Variants in ZFP1 observed in about 807,000 individuals in gnomAD.
The protein encoded by ZFP1 is ZFP1 zinc finger protein.
In ZFP1, 32 loss-of-function variants were observed where a neutral mutation model predicts 38.5. That is an observed-to-expected ratio of 0.83 (90% CI 0.63 to 1.12). ZFP1 has a LOEUF of 1.12. ZFP1 is among the 50% of genes most tolerant of loss of function. The pLI is 0.00. For missense variants in ZFP1, 616 were observed against 480.8 expected (o/e 1.28, Z -2.63); for synonymous variants, 245 against 168.8 (o/e 1.45, Z -3.50).
At chr16:75,123,943 A>G in the ZFP1 span, among the ~76,000 whole-genome samples, 2 of 151,524 alleles carry the variant, frequency 1.3e-5, no homozygotes, top group African/African-American at 4.8e-5. Flanking sequence ...TACAAAAAAA[A>G]ATTAGCTGGG....
chr16:75,122,277 T>G, the ZFP1 span, among the ~76,000 whole-genome samples: 2 of 152,170 alleles, frequency 1.3e-5, no homozygotes, highest in Admixed American at 1.3e-4. Context: ...TAATTCCAAT[T>G]GACTATTTTA....
At chr16:75,151,085 C>G (rs983387278) in intron 1 of ZFP1, among the ~76,000 whole-genome samples, 4 of 152,092 alleles carry the variant, frequency 2.6e-5, no homozygotes, top group African/African-American at 7.2e-5. Context: ...TCTCAAACCC[C>G]TGGGCTCAAG....
At chr16:75,169,140 G>A (rs1400682974) in intron 3 of ZFP1, 113 bp from the exon 4 acceptor site, 44 of 1,320,486 alleles carry the variant, frequency 3.3e-5, no homozygotes, top group Non-Finnish European at 4.4e-5. Context: ...GGGAGACTGG[G>A]TCCCAAACTA....
At chr16:75,127,056 G>C in the ZFP1 span, among the ~76,000 whole-genome samples, 1 of 152,160 alleles carries the variant, frequency 6.6e-6, no homozygotes, top group South Asian at 2.1e-4. Flanking sequence ...TAATTGTTAT[G>C]TTAAATTATT....
the ZFP1 span, among the ~76,000 whole-genome samples, chr16:75,123,255 G>A: frequency 6.6e-6 from 1 of 151,382 alleles, no homozygotes; most frequent in East Asian, 1.9e-4. Flanking sequence ...TCAGGAGGCT[G>A]AGGCAGGAGA....
intron 2 of ZFP1, among the ~76,000 whole-genome samples, chr16:75,163,563 C>T (rs924217804): frequency 1.8e-4 from 27 of 151,702 alleles, no homozygotes; most frequent in Non-Finnish European, 3.2e-4. Flanking sequence ...CCACCTGCGT[C>T]GGCCTCCCAG....
chr16:75,120,819 G>C, the ZFP1 span, among the ~76,000 whole-genome samples: 3 of 151,834 alleles, frequency 2.0e-5, no homozygotes, highest in Non-Finnish European at 4.4e-5. Flanking sequence ...GTAGAGACGG[G>C]TTTCACCGTG....
At chr16:75,140,176 G>A in the ZFP1 span, among the ~76,000 whole-genome samples, 1 of 152,032 alleles carries the variant, frequency 6.6e-6, no homozygotes, top group South Asian at 2.1e-4. Flanking sequence ...GCTGAGGCAG[G>A]AGAATCTCTT....
chr16:75,136,529 C>G, the ZFP1 span, among the ~76,000 whole-genome samples: 10 of 152,148 alleles, frequency 6.6e-5, no homozygotes, highest in Admixed American at 1.3e-4. Flanking sequence ...TCAGTAACAA[C>G]TCATGTTTAA....
chr16:75,161,731 A>G (rs1217255912), intron 2 of ZFP1, among the ~76,000 whole-genome samples: 1 of 123,310 alleles, frequency 8.1e-6, no homozygotes, highest in African/African-American at 3.0e-5. Context: ...TCACAGAAAT[A>G]CAAATAAAGC....
intron 2 of ZFP1, among the ~76,000 whole-genome samples, chr16:75,154,953 A>G (rs996567294): frequency 6.6e-6 from 1 of 151,892 alleles, no homozygotes; most frequent in Non-Finnish European, 1.5e-5. Flanking sequence ...GCGCACCACC[A>G]TAGCCCAGCT....
intron 2 of ZFP1, among the ~76,000 whole-genome samples, chr16:75,160,034 C>T (rs939625055): frequency 2.0e-5 from 3 of 152,170 alleles, no homozygotes; most frequent in African/African-American, 7.2e-5. Flanking sequence ...AGTCAGCTCT[C>T]AGTCTCACAG....
chr16:75,137,027 A>G, the ZFP1 span, among the ~76,000 whole-genome samples: 1 of 152,192 alleles, frequency 6.6e-6, no homozygotes, highest in Non-Finnish European at 1.5e-5. Context: ...CGGGGCCAGC[A>G]TTTGTGTTTC....
At chr16:75,135,227 A>AAAAAAAAAAAAAAAAAAAC in the ZFP1 span, among the ~76,000 whole-genome samples, 1 of 148,366 alleles carries the variant, frequency 6.7e-6, no homozygotes, top group Non-Finnish European at 1.5e-5. Context: ...AAAAAAAAAA[A>AAAAAAAAAAAAAAAAAAAC]AAAAAACCAC....
chr16:75,164,936 G>T (rs1421409994), intron 2 of ZFP1, among the ~76,000 whole-genome samples: 1 of 152,072 alleles, frequency 6.6e-6, no homozygotes, highest in East Asian at 1.9e-4. Flanking sequence ...CTCCTGAGTA[G>T]CTGGGATTAC....
At position 75,152,596 on chromosome 16, in the gene ZFP1, C is replaced by T. The variant is rs558729638; in HGVS notation, c.-43-313C>T. On this transcript the variant is annotated intron_variant, in intron 1 of 3. Transcript: ENST00000570010. Reference sequence around the variant, plus strand: ...TGTTGTCCACCTTTTCTAGTAAAGCCTTTAGTATATGAATCATAGTTGTGT... The same window carrying T: ...TGTTGTCCACCTTTTCTAGTAAAGCTTTTAGTATATGAATCATAGTTGTGT... 7.9e-5 allele frequency among the ~76,000 whole-genome samples: 12 copies of T among 152,268 alleles called. No homozygotes were observed. In the East Asian group the frequency reaches 1.7e-3, roughly 22 times the overall value.
At chr16:75,148,068 A>G (rs895761271), upstream of ZFP1, among the ~76,000 whole-genome samples, 1 of 152,206 alleles carries the variant, frequency 6.6e-6, no homozygotes, top group Non-Finnish European at 1.5e-5. Context: ...GAAAAAAGGG[A>G]AAAAAGCTAG....
At chr16:75,154,029 C>T (rs2037344310) in intron 2 of ZFP1, among the ~76,000 whole-genome samples, 1 of 152,008 alleles carries the variant, frequency 6.6e-6, no homozygotes. Flanking sequence ...CAATGCTGGC[C>T]AACACGGTGA....
upstream of ZFP1, among the ~76,000 whole-genome samples, chr16:75,148,059 A>G (rs1042835400): frequency 6.6e-6 from 1 of 152,162 alleles, no homozygotes; most frequent in African/African-American, 2.4e-5. Flanking sequence ...GTGGCCTGGG[A>G]AAAAAGGGAA....
Sources: allele counts gnomAD v4.1 joint callset (sites outside exome capture counted in the v4.1 genomes callset), GRCh38; gene constraint gnomAD v4.1.1; transcripts MANE v1.5; gene names NCBI Gene and HGNC (gene_info 2026-07-23, HGNC 2026-07-21).